The following PDE3A variants were observed in gnomAD, a reference collection of about 807,000 sequenced individuals.
PDE3A encodes cGMP-inhibited 3',5'-cyclic phosphodiesterase 3A.
A neutral mutation model predicts 98.3 loss-of-function variants in PDE3A; 43 were observed. The ratio of observed to expected loss-of-function variants is 0.44; its 90% CI spans 0.34 to 0.56. PDE3A has a LOEUF of 0.56. PDE3A is among the 20% of genes least tolerant of loss of function. The pLI is 0.01. For missense variants in PDE3A, 1,427 were observed against 1,440.7 expected, an observed-to-expected ratio of 0.99 and a Z score of 0.15; for synonymous variants, 663 against 567.9, an observed-to-expected ratio of 1.17 and a Z score of -2.38.
rs1943980288 is a variant in PDE3A at position 20,615,430 on chromosome 12, AG to A, written c.1270-799del. Among the ~76,000 whole-genome samples the A allele has an allele frequency of 2.0e-5, 3 of 152,146 alleles. No homozygotes were observed. In the South Asian group the frequency reaches 6.2e-4, roughly 31 times the overall value. ...TTGTCTAAGTTACATTAATCATAAG[AG>A]AAGTGGTGCATTTTATGAAAGACTT... On this transcript the variant is annotated intron_variant, in intron 3 of 15. Transcript: ENST00000359062.
At chr12:20,548,762 C>T (rs1019925469) in intron 1 of PDE3A, among the ~76,000 whole-genome samples, 4 of 152,048 alleles carry the variant, frequency 2.6e-5, no homozygotes, top group African/African-American at 9.7e-5. Flanking sequence ...GTCTGTGGCC[C>T]ATTAACGTCT....
intron 2 of PDE3A, among the ~76,000 whole-genome samples, chr12:20,604,645 T>A (rs915928010): frequency 6.6e-6 from 1 of 152,164 alleles, no homozygotes; most frequent in Non-Finnish European, 1.5e-5. Context: ...TTAACAGACA[T>A]AATTAGGACA....
At position 20,369,247 on chromosome 12, in the gene PDE3A, G is replaced by A. The variant is rs1943407323; in HGVS notation, c.-38G>A. ...CGTGGGTCGGGGCGGGGGCGTCGGG[G>A]GGCCACTGGGAATTCAGTGAAGAGG... On this transcript the variant is annotated 5_prime_UTR_variant, in exon 1 of 16. Transcript: ENST00000359062. 1.4e-6 allele frequency: 2 copies of A among 1,441,746 alleles called. No homozygotes were observed. Among genetic ancestry groups the A allele is most frequent in the Non-Finnish European group, 1.8e-6 (2 of 1,084,428 alleles). 89.3% of individuals were successfully genotyped at this position (1,441,746 alleles called of 1,614,324 possible).
chr12:20,396,753 C>CAAA (rs1944026473), intron 1 of PDE3A, among the ~76,000 whole-genome samples: 1 of 151,894 alleles, frequency 6.6e-6, no homozygotes, highest in Non-Finnish European at 1.5e-5. Flanking sequence ...TTATCTAATG[C>CAAA]CCGTTACCTA....
At chr12:20,582,556 G>A (rs1047938610) in intron 2 of PDE3A, among the ~76,000 whole-genome samples, 4 of 151,992 alleles carry the variant, frequency 2.6e-5, no homozygotes, top group African/African-American at 9.7e-5. Context: ...TAAAATTATA[G>A]TGATAAATAT....
chr12:20,585,181 T>G (rs1232030242), intron 2 of PDE3A, among the ~76,000 whole-genome samples: 1 of 152,188 alleles, frequency 6.6e-6, no homozygotes, highest in East Asian at 1.9e-4. Flanking sequence ...CAGGTGTTTT[T>G]GGAAAACTTG....
At chr12:20,603,833 C>T (rs80013638) in intron 2 of PDE3A, among the ~76,000 whole-genome samples, 5,650 of 152,150 alleles carry the variant, frequency 0.037, 142 homozygotes, top group Non-Finnish European at 0.054. Context: ...ACTATACAGT[C>T]GATATTACTA....
intron 1 of PDE3A, among the ~76,000 whole-genome samples, chr12:20,510,848 A>G (rs1382191909): frequency 1.3e-5 from 2 of 152,084 alleles, no homozygotes; most frequent in Non-Finnish European, 1.5e-5. Context: ...GGAAGGTCAT[A>G]CATGTTATTT....
intron 2 of PDE3A, among the ~76,000 whole-genome samples, chr12:20,568,161 T>A (rs1306832430): frequency 2.0e-5 from 3 of 152,000 alleles, no homozygotes; most frequent in Non-Finnish European, 4.4e-5. Context: ...TACTTATTCA[T>A]GAATAAGAGA....
chr12:20,665,861 ATT>A (rs369182893), intron 15 of PDE3A, among the ~76,000 whole-genome samples: 3 of 151,282 alleles, frequency 2.0e-5, no homozygotes, highest in Admixed American at 6.6e-5. Context: ...ATTTGTACAT[ATT>A]TATGTGGGGC....
chr12:20,527,914 TTAAAAG>T (rs1946554593), intron 1 of PDE3A, among the ~76,000 whole-genome samples: 1 of 151,386 alleles, frequency 6.6e-6, no homozygotes, highest in African/African-American at 2.4e-5. Context: ...CTGTATAACT[TTAAAAG>T]GAAAAAAAAA....
chr12:20,554,730 G>A (rs2121265548), intron 1 of PDE3A, among the ~76,000 whole-genome samples: 1 of 151,910 alleles, frequency 6.6e-6, no homozygotes, highest in Non-Finnish European at 1.5e-5. Flanking sequence ...GGGATTATAG[G>A]CGTGCCCCAC....
chr12:20,393,487 G>T (rs567782328), intron 1 of PDE3A, among the ~76,000 whole-genome samples: 17 of 152,046 alleles, frequency 1.1e-4, no homozygotes, highest in Admixed American at 3.9e-4. Flanking sequence ...TTTGGGTGGG[G>T]ACACAGCCAA....
chr12:20,385,328 T>C (rs1020951251), intron 1 of PDE3A, among the ~76,000 whole-genome samples: 11 of 152,042 alleles, frequency 7.2e-5, no homozygotes, highest in African/African-American at 2.4e-4. Context: ...GGAACACTTT[T>C]ACACTGTTGG....
At chr12:20,432,774 T>C (rs1170478317) in intron 1 of PDE3A, among the ~76,000 whole-genome samples, 1 of 152,182 alleles carries the variant, frequency 6.6e-6, no homozygotes, top group East Asian at 1.9e-4. Context: ...AAAAGCAATA[T>C]TCAATTTATT....
chr12:20,393,806 A>G (rs1299932816), intron 1 of PDE3A, among the ~76,000 whole-genome samples: 4 of 152,012 alleles, frequency 2.6e-5, no homozygotes, highest in Non-Finnish European at 5.9e-5. Flanking sequence ...GGCAGGCACA[A>G]TGGCTCTTTG....
chr12:20,417,993 G>C (rs10743373), intron 1 of PDE3A, among the ~76,000 whole-genome samples: 98,777 of 151,836 alleles, frequency 0.65, 32,964 homozygotes, highest in East Asian at 0.88. Context: ...GATTGGAATT[G>C]CAGGCTGTCT....
At chr12:20,627,022 A>T (rs1361684556) in intron 5 of PDE3A, among the ~76,000 whole-genome samples, 1 of 152,132 alleles carries the variant, frequency 6.6e-6, no homozygotes, top group African/African-American at 2.4e-5. Context: ...TGAAGCAATC[A>T]GCTGGCAGCT....
At chr12:20,444,654 A>G (rs1944924649) in intron 1 of PDE3A, among the ~76,000 whole-genome samples, 4 of 152,020 alleles carry the variant, frequency 2.6e-5, no homozygotes, top group Admixed American at 2.6e-4. Context: ...AAAGAAATAA[A>G]AGTGTTAATT....
Sources: gnomAD v4.1 joint callset for allele counts (sites outside exome capture counted in the v4.1 genomes callset) on GRCh38, gnomAD v4.1.1 for gene constraint, MANE v1.5 for transcripts, NCBI Gene and HGNC (gene_info 2026-07-23, HGNC 2026-07-21) for gene names.